TCF20: variants seen among roughly 807,000 people sequenced by gnomAD.
TCF20 encodes transcription factor 20.
In TCF20, 3 loss-of-function variants were observed where a neutral mutation model predicts 148.6. That is an observed-to-expected ratio of 0.02 (90% CI 0.01 to 0.05). The LOEUF (loss-of-function observed/expected upper bound fraction) is 0.05. Among genes scored for constraint, TCF20 ranks in the 10% least tolerant of loss-of-function variants. The pLI, the probability that TCF20 is intolerant of heterozygous loss-of-function variation, is 1.00. For missense variants in TCF20, 2,350 were observed against 2,429.3 expected (o/e 0.97, Z 0.69); for synonymous variants, 1,049 against 909.5 (o/e 1.15, Z -2.76).
At chr22:42,175,105 C>T (rs879553522) in intron 3 of TCF20, among the ~76,000 whole-genome samples, 6 of 152,038 alleles carry the variant, frequency 3.9e-5, no homozygotes, top group South Asian at 2.1e-4. Context: ...CCCCTCTTTC[C>T]TGGCCACTAG....
At chr22:42,180,465 G>C (rs916263458) in intron 2 of TCF20, among the ~76,000 whole-genome samples, 1 of 152,174 alleles carries the variant, frequency 6.6e-6, no homozygotes, top group African/African-American at 2.4e-5. Flanking sequence ...TGTCAGGTAA[G>C]AAATGTGTCC....
chr22:42,227,820 T>C (rs747424173), intron 1 of TCF20, among the ~76,000 whole-genome samples: 6 of 152,252 alleles, frequency 3.9e-5, no homozygotes, highest in Non-Finnish European at 8.8e-5. Flanking sequence ...TGCTGTATTC[T>C]TCCCAGGACA....
At position 42,312,054 on chromosome 22, in the gene TCF20, G is replaced by T. The variant is rs1927546077; in HGVS notation, c.-37+31425C>A. ...GAGGAAGACATGGAGGATGGGGAAG[G>T]TTGCTCCTAGGACTTAGAAATCACC... is the stretch of plus-strand genomic sequence containing the variant. On this transcript the variant is annotated intron_variant, in intron 1 of 1. Transcript: ENST00000515426. 2.6e-5 allele frequency among the ~76,000 whole-genome samples: 4 copies of T among 152,214 alleles called. No homozygotes were observed. The South Asian group carries it at 8.3e-4, about 31-fold the overall frequency.
At chr22:42,335,295 T>C (rs1928047085) in intron 1 of TCF20, among the ~76,000 whole-genome samples, 1 of 152,086 alleles carries the variant, frequency 6.6e-6, no homozygotes, top group South Asian at 2.1e-4. Context: ...CCTGCCTCTA[T>C]CAGCACCCCC....
intron 1 of TCF20, among the ~76,000 whole-genome samples, chr22:42,249,694 T>G (rs1925206834): frequency 6.6e-6 from 1 of 152,244 alleles, no homozygotes; most frequent in Non-Finnish European, 1.5e-5. Context: ...GCTTTGAAGA[T>G]CGCAGAAGTG....
At chr22:42,171,473 G>A (rs554122962) in intron 3 of TCF20, among the ~76,000 whole-genome samples, 2 of 152,238 alleles carry the variant, frequency 1.3e-5, no homozygotes, top group Admixed American at 1.3e-4. Flanking sequence ...GGCCAGACCT[G>A]GAACATCATA....
At chr22:42,173,193 C>CT (rs1936233171) in intron 3 of TCF20, among the ~76,000 whole-genome samples, 2 of 150,964 alleles carry the variant, frequency 1.3e-5, no homozygotes, top group Admixed American at 1.3e-4. Flanking sequence ...CTACCACAGC[C>CT]TTTTTTTCTC....
intron 2 of TCF20, among the ~76,000 whole-genome samples, chr22:42,208,450 G>T (rs999581800): frequency 6.6e-6 from 1 of 152,122 alleles, no homozygotes; most frequent in Admixed American, 6.6e-5. Flanking sequence ...AACACAGTGA[G>T]ACCTTGTTTC....
chr22:42,254,929 C>T (rs994080314), intron 1 of TCF20, among the ~76,000 whole-genome samples: 5 of 120,420 alleles, frequency 4.2e-5, no homozygotes, highest in African/African-American at 1.7e-4. Flanking sequence ...CACTGCACTC[C>T]AGCCTGGGTG....
chr22:42,293,069 C>T (rs558288026), intron 1 of TCF20, among the ~76,000 whole-genome samples: 94 of 152,192 alleles, frequency 6.2e-4, no homozygotes, highest in African/African-American at 2.1e-3. Context: ...AGCAGGAGGC[C>T]TCCTGGCCAG....
chr22:42,306,098 G>T (rs961359150), intron 1 of TCF20, among the ~76,000 whole-genome samples: 2 of 152,264 alleles, frequency 1.3e-5, no homozygotes, highest in Admixed American at 6.5e-5. Flanking sequence ...ACCGCAGGCA[G>T]CGTGGACTGA....
At chr22:42,181,483 T>A (rs897480074) in intron 2 of TCF20, among the ~76,000 whole-genome samples, 5 of 151,894 alleles carry the variant, frequency 3.3e-5, no homozygotes, top group Non-Finnish European at 5.9e-5. Flanking sequence ...CTCCCTACCC[T>A]GGGGGATGAA....
chr22:42,288,933 T>G (rs1271146390), upstream of TCF20, among the ~76,000 whole-genome samples: 1 of 152,170 alleles, frequency 6.6e-6, no homozygotes, highest in Non-Finnish European at 1.5e-5. Context: ...GCCACTTTGG[T>G]GCAAGCCTGG....
At chr22:42,162,048 T>C (rs1415193643) in intron 5 of TCF20, among the ~76,000 whole-genome samples, 1 of 145,060 alleles carries the variant, frequency 6.9e-6, no homozygotes, top group African/African-American at 2.6e-5. Context: ...TGGTGTGCTC[T>C]TGGCTCACTG....
At position 42,210,946 on chromosome 22, in the gene TCF20, CTGTTTCTGCATG is replaced by C; in HGVS notation, c.4348_4359del (p.His1450_Thr1453del). 6.2e-7 allele frequency: 1 copy of C among 1,614,170 alleles called. No homozygotes were observed. On this transcript the variant is annotated inframe_deletion, in exon 2 of 6. Coordinates refer to ENST00000677622, the MANE Select transcript of TCF20 (RefSeq NM_001378418.1). This position sits in a 1 kb window ranked among gnomAD's most constrained non-coding sequence, Gnocchi z 4.7. Reference sequence around the variant, plus strand: ...CCAGGGGGTTCCTTTCCGGCAGTAACTGTTTCTGCATGTGTCTCTGTCTTCACTTTGTCATCC... The same window carrying C: ...CCAGGGGGTTCCTTTCCGGCAGTAACTGTCTCTGTCTTCACTTTGTCATCC...
intron 1 of TCF20, among the ~76,000 whole-genome samples, chr22:42,267,434 G>A (rs1482776602): frequency 6.6e-6 from 1 of 152,188 alleles, no homozygotes; most frequent in Non-Finnish European, 1.5e-5. Flanking sequence ...TGGGCATGGT[G>A]GCTCATACCT....
At chr22:42,217,058 AT>A (rs1921883140) in intron 1 of TCF20, among the ~76,000 whole-genome samples, 1 of 152,228 alleles carries the variant, frequency 6.6e-6, no homozygotes, top group African/African-American at 2.4e-5. Flanking sequence ...GGAGCTGAAA[AT>A]GGAGTTGCCT....
rs1256077836 is a variant in TCF20 at position 42,299,843 on chromosome 22, A to G, written c.-37+43636T>C. Among the ~76,000 whole-genome samples, 1 of 150,048 alleles carries G rather than the reference A, an allele frequency of 6.7e-6. No individual in the cohort carries two copies. Among genetic ancestry groups the G allele is most frequent in the Non-Finnish European group, 1.5e-5 (1 of 67,458 alleles). On this transcript the variant is annotated intron_variant, in intron 1 of 1. Coordinates refer to the TCF20 transcript ENST00000515426. The surrounding 1 kb of genome is among the most constrained non-coding windows in gnomAD (Gnocchi z 4.1). ...GGGGAAGAGAGAAGGGGGAGAAGGA[A>G]GCGGAGGGGAGGAGGGAGGAGGGAA...
rs571005308 is a variant in TCF20 at position 42,214,958 on chromosome 22, C to T, written c.348G>A (p.Gln116=). Reference sequence around the variant, plus strand: ...TGCTCCCCTGGGGGGGTCCATAGCTCTGCACAGGCCCAGAAGGCCTTCGCT... The same window carrying T: ...TGCTCCCCTGGGGGGGTCCATAGCTTTGCACAGGCCCAGAAGGCCTTCGCT... The part of the protein sequence containing the change: ...PPQRRPSGPV[Q]SYGPPQGSSF... Residue 116 remains glutamine, a synonymous_variant, in exon 2 of 6, where the codon CAG becomes CAA. Transcript: ENST00000677622. The T allele has an allele frequency of 3.5e-5, 57 of 1,614,248 alleles. 1 individual carries two copies. In the South Asian group the frequency reaches 5.9e-4, roughly 17 times the overall value.
Sources: allele counts gnomAD v4.1 joint callset (sites outside exome capture counted in the v4.1 genomes callset), GRCh38; gene constraint gnomAD v4.1.1; non-coding constraint Gnocchi (gnomAD v3.1); transcripts MANE v1.5; gene names NCBI Gene and HGNC (gene_info 2026-07-23, HGNC 2026-07-21).